Variants in PLCB1 observed in about 807,000 individuals in gnomAD.
PLCB1 encodes the protein phospholipase C beta 1.
PLCB1 carries 46 observed loss-of-function variants against 161.8 expected under a neutral mutation model. The observed-to-expected ratio is 0.28, with a 90% CI of 0.22 to 0.36. The LOEUF is 0.36. Ranked by LOEUF, PLCB1 falls within the 10% of genes least tolerant of loss-of-function variation. The pLI is 1.00. For synonymous variants in PLCB1, 517 were observed against 503.7 expected (o/e 1.03, Z -0.35); for missense variants, 1,016 against 1,472.5 (o/e 0.69, Z 5.07).
intron 2 of PLCB1, among the ~76,000 whole-genome samples, chr20:8,175,931 G>A (rs182175123): frequency 1.6e-4 from 24 of 152,210 alleles, no homozygotes; most frequent in African/African-American, 5.5e-4. Flanking sequence ...AAAAGATGTC[G>A]CCTTCATTAG....
At chr20:8,677,023 T>C (rs1990097505) in intron 9 of PLCB1, among the ~76,000 whole-genome samples, 1 of 151,534 alleles carries the variant, frequency 6.6e-6, no homozygotes, top group East Asian at 1.9e-4. Flanking sequence ...CAAAAAAAGG[T>C]GGAAATACAA....
Position 8,239,772 on chromosome 20 carries a change from A to G in PLCB1, c.177+89401A>G, listed in dbSNP as rs553984267. ...TTATTCTATGCCTTAGAATTTTGTG[A>G]TAGAATTGGCAACAATTCAGTTCAC... On this transcript the variant is annotated intron_variant, in intron 2 of 31. Transcript: ENST00000338037. Among the ~76,000 whole-genome samples the G allele has an allele frequency of 2.6e-3, 390 of 152,150 alleles. 1 individual carries two copies. The highest frequency in any genetic ancestry group is 8.9e-3 in the African/African-American group (368 of 41,548).
intron 31 of PLCB1, among the ~76,000 whole-genome samples, chr20:8,814,138 A>T (rs6056145): frequency 0.026 from 4,024 of 152,262 alleles, 165 homozygotes; most frequent in African/African-American, 0.092. Context: ...TCATTCGTAT[A>T]TCTACAGTCC....
chr20:8,807,402 TTAA>T (rs150926214), intron 31 of PLCB1, among the ~76,000 whole-genome samples: 4,025 of 152,270 alleles, frequency 0.026, 167 homozygotes, highest in African/African-American at 0.092. Flanking sequence ...TAATTATATC[TTAA>T]TGATGAATAT....
At chr20:8,302,718 T>C (rs994433045) in intron 2 of PLCB1, among the ~76,000 whole-genome samples, 19 of 152,212 alleles carry the variant, frequency 1.2e-4, no homozygotes, top group African/African-American at 3.9e-4. Context: ...TTTTTTAATT[T>C]TTTTAATTTT....
chr20:8,601,004 A>C (rs377170385), intron 3 of PLCB1, among the ~76,000 whole-genome samples: 19 of 151,892 alleles, frequency 1.3e-4, no homozygotes, highest in African/African-American at 4.4e-4. Context: ...ACTGTCTGGC[A>C]CTCCCTAGTG....
At chr20:8,402,529 G>A (rs959807183) in intron 3 of PLCB1, among the ~76,000 whole-genome samples, 9 of 151,830 alleles carry the variant, frequency 5.9e-5, no homozygotes, top group South Asian at 4.2e-4. Context: ...GTACTTCACC[G>A]AATCTTTTAA....
At chr20:8,211,765 AT>A (rs1221784587) in intron 2 of PLCB1, among the ~76,000 whole-genome samples, 1 of 152,122 alleles carries the variant, frequency 6.6e-6, no homozygotes, top group African/African-American at 2.4e-5. Flanking sequence ...TCTTTTGTGA[AT>A]TATGATTGGA....
chr20:8,694,393 AGG>A (rs1424799482), intron 10 of PLCB1, among the ~76,000 whole-genome samples: 1 of 152,182 alleles, frequency 6.6e-6, no homozygotes, highest in Non-Finnish European at 1.5e-5. Flanking sequence ...TGTTGGTCTT[AGG>A]TGGACAATAA....
chr20:8,141,782 C>T (rs562818766), intron 1 of PLCB1: 118 of 152,414 alleles, frequency 7.7e-4, no homozygotes, highest in African/African-American at 2.7e-3. Context: ...GACATTTCTG[C>T]ATTCAGCAAG....
At chr20:8,437,786 A>G (rs992116463) in intron 3 of PLCB1, among the ~76,000 whole-genome samples, 3 of 152,204 alleles carry the variant, frequency 2.0e-5, no homozygotes, top group African/African-American at 7.2e-5. Context: ...ACAGTGAGCA[A>G]GGAAGTATTA....
At position 8,742,208 on chromosome 20, in the gene PLCB1, T is replaced by A. The variant is rs1980915060; in HGVS notation, c.2523+635T>A. Among the ~76,000 whole-genome samples, 3 of 152,032 alleles carry A rather than the reference T, an allele frequency of 2.0e-5. No homozygotes were observed. The South Asian group carries it at 6.2e-4, about 31-fold the overall frequency. On this transcript the variant is annotated intron_variant, in intron 23 of 31. Transcript: ENST00000338037. ...TGTAGACTGGCAGTCTTTTTGCTTT[T>A]AAAAAAAGTGAATTATAACTTGATT...
In PLCB1 at chr20:8,789,571, A is replaced by G; in HGVS notation, c.3332A>G (p.Lys1111Arg). The G allele has an allele frequency of 6.2e-7, 1 of 1,609,114 alleles. No homozygotes were observed. Among genetic ancestry groups the G allele is most frequent in the Middle Eastern group, 1.7e-4 (1 of 6,056 alleles). ...ATCCAGGAAGTGGTGCAGTATATCA[A>G]GAGGGTATGTGGGCTCATCACGCTC... ...SYIQEVVQYI[K>R]RLEEAQSKRQ... The change falls in exon 30 of 32, where the codon AAG (lysine) becomes AGG (arginine). Residue 1111 changes from lysine (K) to arginine (R), a missense_variant. Physicochemically the swap from Lys to Arg is conservative, Grantham distance 26. Around this residue, in one of 10 missense-constraint regions of PLCB1, gnomAD observed 398 missense variants for 445.4 expected, o/e 0.89. Coordinates refer to ENST00000338037, the MANE Select transcript of PLCB1 (RefSeq NM_015192.4).
chr20:8,162,102 TTTTA>T (rs1373468944), intron 2 of PLCB1, among the ~76,000 whole-genome samples: 3 of 152,228 alleles, frequency 2.0e-5, no homozygotes, highest in Non-Finnish European at 2.9e-5. Context: ...AAAATAGTTT[TTTTA>T]TTATATTCTG....
chr20:8,578,596 A>C (rs1986746482), intron 3 of PLCB1, among the ~76,000 whole-genome samples: 1 of 152,200 alleles, frequency 6.6e-6, no homozygotes, highest in Admixed American at 6.5e-5. Flanking sequence ...TGTTTAAAGG[A>C]CTATCCAGAG....
At chr20:8,826,566 G>A (rs1985717439) in intron 31 of PLCB1, among the ~76,000 whole-genome samples, 3 of 151,994 alleles carry the variant, frequency 2.0e-5, no homozygotes, top group Non-Finnish European at 2.9e-5. Flanking sequence ...GAGCAACTAG[G>A]CCTAGGATTA....
chr20:8,133,105 T>A (rs2051309676), intron 1 of PLCB1, among the ~76,000 whole-genome samples: 1 of 152,092 alleles, frequency 6.6e-6, no homozygotes, highest in Non-Finnish European at 1.5e-5. Flanking sequence ...GGAAAGCGCC[T>A]GGTGTGAACA....
chr20:8,279,406 G>A (rs892380363), intron 2 of PLCB1, among the ~76,000 whole-genome samples: 3 of 152,180 alleles, frequency 2.0e-5, no homozygotes, highest in African/African-American at 4.8e-5. Context: ...ATTAAAATAG[G>A]CATATTCACA....
At chr20:8,874,225 T>A (rs1268587699) in intron 31 of PLCB1, among the ~76,000 whole-genome samples, 2 of 132,564 alleles carry the variant, frequency 1.5e-5, no homozygotes, top group South Asian at 6.0e-4. Flanking sequence ...TATGTGTATG[T>A]ACACACACAC....
Sources: allele counts gnomAD v4.1 joint callset (sites outside exome capture counted in the v4.1 genomes callset), GRCh38; gene constraint gnomAD v4.1.1; regional missense constraint gnomAD v4.1.1; transcripts MANE v1.5; gene names NCBI Gene and HGNC (gene_info 2026-07-23, HGNC 2026-07-21).